The following RHPN2 variants were observed in gnomAD, a reference collection of about 807,000 sequenced individuals.
RHPN2 encodes rhophilin-2.
In RHPN2, 40 loss-of-function variants were observed where a neutral mutation model predicts 79.0. The ratio of observed to expected loss-of-function variants is 0.51; its 90% CI spans 0.39 to 0.66. RHPN2 has a LOEUF of 0.66. Ranked by LOEUF, RHPN2 falls within the 30% of genes least tolerant of loss-of-function variation. The pLI, the probability that RHPN2 is intolerant of heterozygous loss-of-function variation, is 0.00. For synonymous variants in RHPN2, 285 were observed against 363.5 expected, an observed-to-expected ratio of 0.78 and a Z score of 2.46; for missense variants, 686 against 883.5, an observed-to-expected ratio of 0.78 and a Z score of 2.83.
chr19:33,038,726 C>T (rs1168764221), intron 2 of RHPN2, among the ~76,000 whole-genome samples: 2 of 152,112 alleles, frequency 1.3e-5, no homozygotes, highest in Non-Finnish European at 2.9e-5. Context: ...GGCGCGATCT[C>T]GGCTCACTGC....
intron 1 of RHPN2, among the ~76,000 whole-genome samples, chr19:33,062,790 TAATA>T (rs1972292252): frequency 6.8e-6 from 1 of 147,326 alleles, no homozygotes; most frequent in African/African-American, 2.5e-5. Context: ...ATAATAATAA[TAATA>T]ATAATAATAA....
chr19:32,988,235 AAAC>A lies in RHPN2; in HGVS notation c.1800+2276_1800+2278del, dbSNP rs996034669. Among the ~76,000 whole-genome samples, 34 of 152,038 alleles carry A rather than the reference AAAC, an allele frequency of 2.2e-4. No individual in the cohort carries two copies. In the East Asian group the frequency reaches 4.6e-3, roughly 21 times the overall value. ...AACAAAAAAAAAAACAAAACAAACA[AAAC>A]AACAACAACAGAAAAAAGAAATTAA... is the stretch of plus-strand genomic sequence containing the variant. On this transcript the variant is annotated intron_variant, in intron 14 of 14. Coordinates refer to ENST00000254260, the MANE Select transcript of RHPN2 (RefSeq NM_033103.5).
At position 32,983,907 on chromosome 19, in the gene RHPN2, G is replaced by A. The variant is rs528114996; in HGVS notation, c.1801-3651C>T. Among the ~76,000 whole-genome samples, 15 of 152,274 alleles carry A rather than the reference G, an allele frequency of 9.9e-5. 1 individual carries two copies. Among genetic ancestry groups the A allele is most frequent in the African/African-American group, 2.4e-4 (10 of 41,574 alleles). On this transcript the variant is annotated intron_variant, in intron 14 of 14. Coordinates refer to ENST00000254260, the MANE Select transcript of RHPN2 (RefSeq NM_033103.5). ...CTCCCAAAGTGCTGGGATTACAGGCGTGAGCCACTGTGCCCAGCTCCATTT... is the reference window on the plus strand; with the variant it reads ...CTCCCAAAGTGCTGGGATTACAGGCATGAGCCACTGTGCCCAGCTCCATTT...
intron 13 of RHPN2, chr19:32,991,330 G>A (rs1044790650): frequency 9.8e-6 from 2 of 205,086 alleles, no homozygotes; most frequent in Non-Finnish European, 1.0e-5. Context: ...ATGGTGGCAC[G>A]CACCTGTAAT....
Position 33,026,442 on chromosome 19 carries a change from C to A in RHPN2, c.314+62G>T, listed in dbSNP as rs1369454165. ...CGCTATCTGACCTCTTTGTGCAGCA[C>A]CCTGGATGTACGAAGGATCTCTGGC... On this transcript the variant is annotated intron_variant, in intron 3 of 14. Coordinates refer to ENST00000254260, the MANE Select transcript of RHPN2 (RefSeq NM_033103.5). The A allele has an allele frequency of 4.4e-6, 7 of 1,591,614 alleles. No individual in the cohort carries two copies. In the East Asian group the frequency reaches 1.1e-4, roughly 26 times the overall value.
In RHPN2 at chr19:32,991,909, T is replaced by C. The variant is rs1334212098; in HGVS notation, c.1558A>G (p.Thr520Ala). The stretch of plus-strand genomic sequence containing the variant: ...AACCCCAAGTCCCCTTCTTCTGCAG[T>C]GAAGCGGATGCTTCGAGGAGGCGTC... ...RWTPPRSIRFTAEEGDLGFTL... is the reference protein window; with the variant it reads ...RWTPPRSIRFAAEEGDLGFTL... The change falls in exon 13 of 15, where the codon ACT (threonine) becomes GCT (alanine). Residue 520 changes from threonine (T) to alanine (A), a missense_variant. Thr to Ala is a moderately conservative substitution (Grantham distance 58). Transcript: ENST00000254260. The C allele has an allele frequency of 2.5e-6, 4 of 1,613,848 alleles. No homozygotes were observed. The highest frequency in any genetic ancestry group is 3.4e-6 in the Non-Finnish European group (4 of 1,179,848).
At chr19:33,008,245 A>C (rs1971809317) in intron 6 of RHPN2, 65 bp from the exon 7 acceptor site, 1 of 1,534,084 alleles carries the variant, frequency 6.5e-7, no homozygotes, top group South Asian at 1.2e-5. Context: ...CAAGTGGAAA[A>C]AATTCTTTTT....
At chr19:33,038,814 C>T (rs1369709618) in intron 2 of RHPN2, among the ~76,000 whole-genome samples, 3 of 152,140 alleles carry the variant, frequency 2.0e-5, no homozygotes, top group East Asian at 1.9e-4. Context: ...TGTGCCACCA[C>T]GCGTGGCTAA....
At chr19:33,047,436 G>A (rs34363498) in intron 1 of RHPN2, among the ~76,000 whole-genome samples, 25,253 of 152,082 alleles carry the variant, frequency 0.17, 2,176 homozygotes, top group African/African-American at 0.22. Context: ...CTGCATTTTA[G>A]CTGAATGGTG....
At chr19:32,987,871 C>T (rs1971623346) in intron 14 of RHPN2, among the ~76,000 whole-genome samples, 3 of 152,120 alleles carry the variant, frequency 2.0e-5, no homozygotes, top group Admixed American at 2.0e-4. Flanking sequence ...CCCTCACACC[C>T]ATTACCCATC....
chr19:33,003,679 A>C (rs543151620), intron 7 of RHPN2, among the ~76,000 whole-genome samples: 12 of 152,324 alleles, frequency 7.9e-5, no homozygotes, highest in Admixed American at 2.0e-4. Context: ...CACATGGTAC[A>C]GTGTAAATAA....
intron 7 of RHPN2, 67 bp downstream of exon 7, chr19:33,007,947 T>C (rs989499578): frequency 6.4e-7 from 1 of 1,563,252 alleles, no homozygotes; most frequent in African/African-American, 1.4e-5. Context: ...TTCTCTTCAG[T>C]GGGGGGTCCC....
At chr19:32,995,858 CA>C (rs1489073453) in intron 11 of RHPN2, among the ~76,000 whole-genome samples, 167 bp downstream of exon 11, 1 of 152,160 alleles carries the variant, frequency 6.6e-6, no homozygotes, top group Non-Finnish European at 1.5e-5. Context: ...GACTCCATCT[CA>C]AAAAGAAAAG....
chr19:33,015,346 G>A (rs1358534700), intron 4 of RHPN2, among the ~76,000 whole-genome samples: 1 of 152,126 alleles, frequency 6.6e-6, no homozygotes, highest in African/African-American at 2.4e-5. Flanking sequence ...AATAGCTTGA[G>A]CCCAGGAGGC....
chr19:33,008,960 A>G (rs2145236236), intron 6 of RHPN2, among the ~76,000 whole-genome samples: 1 of 152,290 alleles, frequency 6.6e-6, no homozygotes, highest in East Asian at 1.9e-4. Flanking sequence ...TGAACCAGCA[A>G]GCCATGAAAA....
intron 14 of RHPN2, among the ~76,000 whole-genome samples, chr19:32,988,411 T>C (rs1381979505): frequency 1.3e-5 from 2 of 152,064 alleles, no homozygotes; most frequent in African/African-American, 4.8e-5. Flanking sequence ...CTCATGTCTC[T>C]CTAACTCTAC....
chr19:33,031,092 C>A lies in RHPN2; in HGVS notation c.186-4460G>T, dbSNP rs377418246. On this transcript the variant is annotated intron_variant, in intron 2 of 14. Coordinates refer to ENST00000254260, the MANE Select transcript of RHPN2 (RefSeq NM_033103.5). ...AACAGCCAATTGGAAGAGGTGTACA[C>A]GGCAAGTTATGGTGGGAGAGGGGCA... Among the ~76,000 whole-genome samples the A allele has an allele frequency of 1.1e-4, 17 of 152,240 alleles. 1 individual carries two copies. In the East Asian group the frequency reaches 2.7e-3, roughly 24 times the overall value.
At chr19:33,036,957 G>T (rs916829503) in intron 2 of RHPN2, among the ~76,000 whole-genome samples, 7 of 150,166 alleles carry the variant, frequency 4.7e-5, no homozygotes, top group Non-Finnish European at 1.0e-4. Flanking sequence ...CAGTCCTATC[G>T]ACCGACCACC....
Position 32,991,856 on chromosome 19 carries a change from C to T in RHPN2, c.1611G>A (p.Gln537=). The T allele has an allele frequency of 1.9e-6, 3 of 1,613,960 alleles. No individual in the cohort carries two copies. The highest frequency in any genetic ancestry group is 2.5e-6 in the Non-Finnish European group (3 of 1,179,868). ...AGCAGTAAGGATCCAGGAAGTGAACCTGAACGGGGGCGTTCCCTCTCAAGG... is the reference window on the plus strand; with the variant it reads ...AGCAGTAAGGATCCAGGAAGTGAACTTGAACGGGGGCGTTCCCTCTCAAGG... ...GFTLRGNAPV[Q]VHFLDPYCSA... The change falls in exon 13 of 15, where the codon CAG becomes CAA. Residue 537 remains glutamine, a synonymous_variant. Coordinates refer to ENST00000254260, the MANE Select transcript of RHPN2 (RefSeq NM_033103.5).
Sources: allele counts gnomAD v4.1 joint callset (sites outside exome capture counted in the v4.1 genomes callset), GRCh38; gene constraint gnomAD v4.1.1; transcripts MANE v1.5; gene names NCBI Gene and HGNC (gene_info 2026-07-23, HGNC 2026-07-21).